Variants in TCF12 observed in about 807,000 individuals in gnomAD.
TCF12 encodes the protein transcription factor 12.
A neutral mutation model predicts 86.0 loss-of-function variants in TCF12; 45 were observed. That is an observed-to-expected ratio of 0.52 (90% CI 0.41 to 0.67). The LOEUF (loss-of-function observed/expected upper bound fraction) is 0.67. Ranked by LOEUF, TCF12 falls within the 30% of genes least tolerant of loss-of-function variation. The pLI, the probability that TCF12 is intolerant of heterozygous loss-of-function variation, is 0.00. For missense variants in TCF12, 881 were observed against 859.9 expected (o/e 1.02, Z -0.31); for synonymous variants, 330 against 299.6 (o/e 1.10, Z -1.05).
chr15:57,202,596 C>T (rs7163126), intron 8 of TCF12, among the ~76,000 whole-genome samples: 34,970 of 151,708 alleles, frequency 0.23, 4,463 homozygotes, highest in African/African-American at 0.35. Flanking sequence ...CCACCACACC[C>T]GGCTAATTTT....
intron 4 of TCF12, among the ~76,000 whole-genome samples, chr15:57,072,108 G>T (rs1391392363): frequency 2.0e-5 from 3 of 152,176 alleles, no homozygotes; most frequent in Admixed American, 2.0e-4. Context: ...AAAATAGGAT[G>T]ATCTGAAAAG....
intron 4 of TCF12, among the ~76,000 whole-genome samples, chr15:57,077,249 A>ACTTAT (rs1491461474): frequency 4.0e-5 from 6 of 151,504 alleles, no homozygotes; most frequent in African/African-American, 1.5e-4. Context: ...GGGGAACTTA[A>ACTTAT]CAGTGTGGAG....
Position 57,086,202 on chromosome 15 carries a change from G to GGAT in TCF12, c.223-5577_223-5575dup, listed in dbSNP as rs1310654567. On this transcript the variant is annotated intron_variant, in intron 4 of 20. Transcript: ENST00000333725. ...ATTTGTAAGACATAATCTCTAACTTGGATGATGATGATAATAATAATAATA... is the reference window on the plus strand; with the variant it reads ...ATTTGTAAGACATAATCTCTAACTTGGATGATGATGATGATAATAATAATAATA... Among the ~76,000 whole-genome samples the GGAT allele has an allele frequency of 7.5e-4, 51 of 67,828 alleles. 2 individuals are homozygous for GGAT. The highest frequency in any genetic ancestry group is 3.3e-3 in the Admixed American group (28 of 8,456). The allele number at this position is 67,828 out of a possible 152,430, so 44.5% of individuals were successfully genotyped here. A position where few individuals can be genotyped will look rare whatever the true frequency, so the allele number is the denominator to read the frequency against.
chr15:57,026,041 A>T (rs1194532255), intron 3 of TCF12, among the ~76,000 whole-genome samples: 1 of 152,246 alleles, frequency 6.6e-6, no homozygotes, highest in Non-Finnish European at 1.5e-5. Context: ...AAATGCTGTC[A>T]TGTAGAAGAT....
At chr15:57,148,397 A>G (rs2053515343) in intron 5 of TCF12, among the ~76,000 whole-genome samples, 1 of 132,872 alleles carries the variant, frequency 7.5e-6, no homozygotes, top group African/African-American at 2.6e-5. Context: ...TGGGCAGCAG[A>G]GGAAGACTTT....
At chr15:57,199,201 A>G (rs750962545) in intron 8 of TCF12, among the ~76,000 whole-genome samples, 3 of 152,028 alleles carry the variant, frequency 2.0e-5, no homozygotes, top group African/African-American at 7.2e-5. Context: ...GAAGACAGGA[A>G]TTTTTTTTCA....
chr15:57,249,618 A>G (rs995462098), intron 13 of TCF12, among the ~76,000 whole-genome samples: 3 of 152,204 alleles, frequency 2.0e-5, no homozygotes, highest in Non-Finnish European at 2.9e-5. Flanking sequence ...AGTCTTGTTC[A>G]GCTAAAATGA....
intron 3 of TCF12, among the ~76,000 whole-genome samples, chr15:56,922,136 G>T (rs551021210): frequency 2.6e-5 from 4 of 151,914 alleles, no homozygotes; most frequent in South Asian, 4.1e-4. Context: ...TTTTGGGGAG[G>T]GGGGAGAAAA....
intron 3 of TCF12, among the ~76,000 whole-genome samples, chr15:56,944,817 G>T (rs1190040819): frequency 6.6e-6 from 1 of 152,162 alleles, no homozygotes; most frequent in Non-Finnish European, 1.5e-5. Flanking sequence ...AAAATGGTAA[G>T]TATAAGTGTT....
At chr15:57,156,126 T>C (rs1256152663) in intron 5 of TCF12, among the ~76,000 whole-genome samples, 43 of 152,222 alleles carry the variant, frequency 2.8e-4, no homozygotes, top group African/African-American at 2.4e-5. Flanking sequence ...TAAACAAGTG[T>C]TTACACTTTG....
intron 4 of TCF12, among the ~76,000 whole-genome samples, chr15:57,087,411 C>CA (rs5812863): frequency 0.79 from 103,187 of 131,368 alleles, 40,194 homozygotes; most frequent in East Asian, 0.81. Flanking sequence ...GACCCTGTCT[C>CA]AAAAAAAAAA....
intron 11 of TCF12, 119 bp from the exon 12 acceptor site, chr15:57,233,924 C>T (rs2059275208): frequency 1.3e-6 from 1 of 756,296 alleles, no homozygotes; most frequent in East Asian, 2.7e-5. Context: ...AGAGTATTTC[C>T]TAGTTTACTG....
chr15:57,187,820 C>T (rs1205690362), intron 6 of TCF12, among the ~76,000 whole-genome samples: 8 of 152,080 alleles, frequency 5.3e-5, no homozygotes, highest in African/African-American at 1.9e-4. Flanking sequence ...ATCCCAGGTA[C>T]TCAGGAGGCT....
At chr15:57,038,333 CAG>C (rs1596250388) in intron 3 of TCF12, among the ~76,000 whole-genome samples, 3 of 151,774 alleles carry the variant, frequency 2.0e-5, no homozygotes, top group Admixed American at 6.6e-5. Flanking sequence ...GGGGCTGAGA[CAG>C]GGGGATTGCT....
intron 5 of TCF12, among the ~76,000 whole-genome samples, chr15:57,109,637 T>C (rs1390538085): frequency 6.6e-6 from 1 of 152,198 alleles, no homozygotes; most frequent in African/African-American, 2.4e-5. Flanking sequence ...CTTAACCTAT[T>C]GTTGCGTATA....
chr15:57,219,314 G>C (rs1034044346), intron 8 of TCF12: 3 of 1,229,312 alleles, frequency 2.4e-6, no homozygotes, highest in African/African-American at 1.5e-5. Flanking sequence ...GCAAGGACTT[G>C]ATGGAAATTG....
In TCF12 at chr15:57,286,698, C is replaced by CT; in HGVS notation, c.*557dup. The stretch of plus-strand genomic sequence containing the variant: ...GTGTCTTAAAAAGGAAGGGAAAAGT[C>CT]TTTTGTTGCCCTCTCCTATCCTCTT... On this transcript the variant is annotated 3_prime_UTR_variant, in exon 21 of 21. Transcript: ENST00000333725. 1 of 456,156 alleles carries CT rather than the reference C, an allele frequency of 2.2e-6. No homozygotes were observed. Among genetic ancestry groups the CT allele is most frequent in the Non-Finnish European group, 4.4e-6 (1 of 226,842 alleles). 28.3% of individuals were successfully genotyped at this position (456,156 alleles called of 1,614,324 possible). A position where few individuals can be genotyped will look rare whatever the true frequency, so the allele number is the denominator to read the frequency against.
At chr15:57,101,653 T>C (rs764508681) in intron 5 of TCF12, among the ~76,000 whole-genome samples, 1 of 152,248 alleles carries the variant, frequency 6.6e-6, no homozygotes, top group African/African-American at 2.4e-5. Flanking sequence ...TTCTGAGTTT[T>C]TAAATCTTTA....
intron 4 of TCF12, among the ~76,000 whole-genome samples, chr15:57,083,918 C>G (rs754935559): frequency 5.3e-5 from 8 of 152,074 alleles, no homozygotes; most frequent in Non-Finnish European, 8.8e-5. Flanking sequence ...ATTGTATATT[C>G]TTTTTTCCTC....
Sources: allele counts gnomAD v4.1 joint callset (sites outside exome capture counted in the v4.1 genomes callset), GRCh38; gene constraint gnomAD v4.1.1; transcripts MANE v1.5; gene names NCBI Gene and HGNC (gene_info 2026-07-23, HGNC 2026-07-21).